The following CPA6 variants were observed in gnomAD, a reference collection of about 807,000 sequenced individuals.
CPA6 encodes the protein carboxypeptidase A6.
CPA6 carries 58 observed loss-of-function variants against 63.3 expected under a neutral mutation model. The observed-to-expected ratio is 0.92, with a 90% CI of 0.74 to 1.14. The LOEUF (loss-of-function observed/expected upper bound fraction) is 1.14. Among genes scored for constraint, CPA6 ranks in the 50% most tolerant of loss-of-function variants. The pLI, the probability that CPA6 is intolerant of heterozygous loss-of-function variation, is 0.00. For missense variants in CPA6, 565 were observed against 526.6 expected (o/e 1.07, Z -0.71); for synonymous variants, 185 against 179.0 (o/e 1.03, Z -0.27).
chr8:67,668,838 A>G (rs910683032), intron 1 of CPA6, among the ~76,000 whole-genome samples: 1 of 152,248 alleles, frequency 6.6e-6, no homozygotes, highest in Non-Finnish European at 1.5e-5. Flanking sequence ...ACAAATGTAC[A>G]TGGAGTACCA....
intron 2 of CPA6, among the ~76,000 whole-genome samples, chr8:67,582,051 G>C (rs573693797): frequency 7.2e-5 from 11 of 152,246 alleles, no homozygotes; most frequent in Admixed American, 2.6e-4. Context: ...TGGTTGTGTA[G>C]TGGGGTGGAA....
chr8:67,631,020 G>A (rs1407615271), intron 1 of CPA6, among the ~76,000 whole-genome samples: 1 of 152,220 alleles, frequency 6.6e-6, no homozygotes, highest in African/African-American at 2.4e-5. Flanking sequence ...CTACTCCTGC[G>A]TGGCCCAAGC....
At chr8:67,610,928 A>G (rs762930704) in intron 2 of CPA6, among the ~76,000 whole-genome samples, 11 of 152,216 alleles carry the variant, frequency 7.2e-5, no homozygotes, top group Non-Finnish European at 1.6e-4. Context: ...TCTTTAAACT[A>G]TGAGGATTAC....
chr8:67,638,847 T>A (rs1394495374), intron 1 of CPA6, among the ~76,000 whole-genome samples: 5 of 151,466 alleles, frequency 3.3e-5, no homozygotes, highest in African/African-American at 1.2e-4. Flanking sequence ...TACTCCCTAA[T>A]AAAGTGACTC....
chr8:67,467,578 C>T (rs1319736369), intron 8 of CPA6, among the ~76,000 whole-genome samples: 1 of 152,160 alleles, frequency 6.6e-6, no homozygotes, highest in Non-Finnish European at 1.5e-5. Context: ...AGTGCTGCTT[C>T]CACATTCCTT....
chr8:67,446,729 A>G (rs1810425196), intron 8 of CPA6, among the ~76,000 whole-genome samples: 1 of 152,180 alleles, frequency 6.6e-6, no homozygotes, highest in South Asian at 2.1e-4. Context: ...TTTCATTTAT[A>G]GCTTTTAAAT....
intron 2 of CPA6, among the ~76,000 whole-genome samples, chr8:67,525,038 C>A (rs1563986384): frequency 1.3e-5 from 2 of 152,198 alleles, no homozygotes; most frequent in Admixed American, 1.3e-4. Flanking sequence ...TTACTTTTCA[C>A]TGTATTATTT....
intron 1 of CPA6, among the ~76,000 whole-genome samples, chr8:67,712,628 A>G (rs1372577894): frequency 6.6e-6 from 1 of 152,164 alleles, no homozygotes; most frequent in East Asian, 1.9e-4. Context: ...GTGGGGACAG[A>G]GATTTGGGAT....
chr8:67,721,711 A>G (rs1292930585), intron 1 of CPA6, among the ~76,000 whole-genome samples: 1 of 152,198 alleles, frequency 6.6e-6, no homozygotes, highest in African/African-American at 2.4e-5. Flanking sequence ...GTGGGAAAAA[A>G]ACCCCAGAAA....
intron 6 of CPA6, among the ~76,000 whole-genome samples, chr8:67,490,730 C>T (rs1454931894): frequency 6.6e-6 from 1 of 152,052 alleles, no homozygotes; most frequent in African/African-American, 2.4e-5. Flanking sequence ...CAGAATTCAC[C>T]AAATAAACTT....
intron 1 of CPA6, among the ~76,000 whole-genome samples, chr8:67,680,171 T>C (rs1256289090): frequency 6.6e-6 from 1 of 152,222 alleles, no homozygotes; most frequent in Non-Finnish European, 1.5e-5. Flanking sequence ...TAAACATTTA[T>C]TGAGTGCTTA....
chr8:67,459,484 C>T (rs1810752052), intron 8 of CPA6, among the ~76,000 whole-genome samples: 1 of 152,126 alleles, frequency 6.6e-6, no homozygotes, highest in Admixed American at 6.5e-5. Flanking sequence ...GAAATGTAAA[C>T]GTGTGTTACT....
intron 8 of CPA6, among the ~76,000 whole-genome samples, chr8:67,482,244 T>C (rs980549782): frequency 6.6e-6 from 1 of 152,208 alleles, no homozygotes; most frequent in Admixed American, 6.5e-5. Flanking sequence ...AGAGCACTCA[T>C]GCAGATGCCT....
At chr8:67,495,690 C>G (rs1156699395) in intron 6 of CPA6, among the ~76,000 whole-genome samples, 1 of 151,844 alleles carries the variant, frequency 6.6e-6, no homozygotes, top group Non-Finnish European at 1.5e-5. Flanking sequence ...TTTTCTTTTT[C>G]TTTTTCTCTT....
At chr8:67,453,337 A>G (rs902141837) in intron 8 of CPA6, among the ~76,000 whole-genome samples, 1 of 152,208 alleles carries the variant, frequency 6.6e-6, no homozygotes, top group African/African-American at 2.4e-5. Flanking sequence ...AGATTGATCC[A>G]TGGGTTTAAG....
At chr8:67,433,826 C>A (rs1810082258) in intron 9 of CPA6, among the ~76,000 whole-genome samples, 1 of 152,216 alleles carries the variant, frequency 6.6e-6, no homozygotes, top group African/African-American at 2.4e-5. Context: ...ATTACTTAAT[C>A]TCTCAGCTTC....
chr8:67,735,766 T>C (rs1317986093), intron 1 of CPA6: 2 of 151,854 alleles, frequency 1.3e-5, no homozygotes, highest in Non-Finnish European at 1.5e-5. Flanking sequence ...TTCTCAGTGA[T>C]GGCAGAGGGA....
intron 2 of CPA6, among the ~76,000 whole-genome samples, chr8:67,567,407 A>G (rs1415612251): frequency 6.6e-6 from 1 of 152,242 alleles, no homozygotes; most frequent in African/African-American, 2.4e-5. Flanking sequence ...TTACTCTTAT[A>G]TGGCAATCAT....
chr8:67,658,463 C>T (rs1045971903), intron 1 of CPA6, among the ~76,000 whole-genome samples: 5 of 152,194 alleles, frequency 3.3e-5, no homozygotes, highest in Non-Finnish European at 7.3e-5. Flanking sequence ...CTCCCCCGTA[C>T]CCACCTCTAA....
Sources: allele counts gnomAD v4.1 joint callset (sites outside exome capture counted in the v4.1 genomes callset), GRCh38; gene constraint gnomAD v4.1.1; transcripts MANE v1.5; gene names NCBI Gene and HGNC (gene_info 2026-07-23, HGNC 2026-07-21).